WWOX: variants seen among roughly 807,000 people sequenced by gnomAD.
WWOX encodes WW domain containing oxidoreductase.
In WWOX, 69 loss-of-function variants were observed where a neutral mutation model predicts 46.2. That is an observed-to-expected ratio of 1.49 (90% CI 1.23 to 1.82). The LOEUF is 1.82. Among genes scored for constraint, WWOX ranks in the 40% most tolerant of loss-of-function variants. The probability of loss-of-function intolerance (pLI) is 0.00; values close to 1 mark genes in which losing one functional copy is unlikely to be tolerated. For missense variants in WWOX, 919 were observed against 542.6 expected (o/e 1.69, Z -6.89); for synonymous variants, 359 against 202.6 (o/e 1.77, Z -6.56).
At chr16:78,946,141 C>G (rs1452448269) in intron 8 of WWOX, among the ~76,000 whole-genome samples, 1 of 152,188 alleles carries the variant, frequency 6.6e-6, no homozygotes, top group African/African-American at 2.4e-5. Flanking sequence ...ATTCCCCCTA[C>G]AAGAATGCCG....
At chr16:78,115,334 G>C (rs554076634) in intron 4 of WWOX, among the ~76,000 whole-genome samples, 180 bp downstream of exon 4, 4 of 152,298 alleles carry the variant, frequency 2.6e-5, no homozygotes, top group African/African-American at 7.2e-5. Flanking sequence ...ATGGAAGCCT[G>C]TGTAGGGGCT....
intron 8 of WWOX, among the ~76,000 whole-genome samples, chr16:78,924,170 G>C (rs578134053): frequency 9.2e-5 from 14 of 152,130 alleles, no homozygotes; most frequent in African/African-American, 2.4e-4. Context: ...CAGAAAGAAG[G>C]CTGGGTAGAC....
intron 6 of WWOX, among the ~76,000 whole-genome samples, chr16:78,401,734 C>G (rs2082418428): frequency 6.6e-6 from 1 of 152,018 alleles, no homozygotes; most frequent in East Asian, 1.9e-4. Context: ...GAGTCTTGCT[C>G]TGTCGCCCAG....
chr16:78,738,081 C>G (rs991531831), intron 8 of WWOX, among the ~76,000 whole-genome samples: 20 of 152,148 alleles, frequency 1.3e-4, no homozygotes, highest in Non-Finnish European at 5.9e-5. Flanking sequence ...CTGCCCACTT[C>G]CAGAAAGCTA....
At chr16:78,177,351 G>C (rs1597313026) in intron 5 of WWOX, among the ~76,000 whole-genome samples, 3 of 152,296 alleles carry the variant, frequency 2.0e-5, no homozygotes, top group Admixed American at 6.5e-5. Context: ...TAGTCTAGAA[G>C]GATTTTGCTA....
intron 8 of WWOX, among the ~76,000 whole-genome samples, chr16:78,511,877 C>G (rs746107366): frequency 6.6e-6 from 1 of 152,200 alleles, no homozygotes; most frequent in Non-Finnish European, 1.5e-5. Context: ...TTAAATACAA[C>G]ATGCTGTTTA....
chr16:78,696,478 T>A (rs1454740171), intron 8 of WWOX, among the ~76,000 whole-genome samples: 1 of 152,134 alleles, frequency 6.6e-6, no homozygotes, highest in African/African-American at 2.4e-5. Flanking sequence ...TTTCGATTTT[T>A]TTTTTTCACC....
chr16:78,884,751 T>G (rs1173546357), intron 8 of WWOX, among the ~76,000 whole-genome samples: 1 of 152,244 alleles, frequency 6.6e-6, no homozygotes, highest in East Asian at 1.9e-4. Context: ...GTGTTCAGTT[T>G]ATGAAAATTC....
At chr16:78,814,758 A>G (rs2051286833) in intron 8 of WWOX, among the ~76,000 whole-genome samples, 1 of 152,192 alleles carries the variant, frequency 6.6e-6, no homozygotes, top group Non-Finnish European at 1.5e-5. Flanking sequence ...ATGGCAGTGT[A>G]TAAGACATTA....
intron 8 of WWOX, among the ~76,000 whole-genome samples, chr16:78,701,951 G>A (rs942477696): frequency 4.1e-5 from 6 of 145,774 alleles, no homozygotes; most frequent in Admixed American, 1.4e-4. Context: ...CTGGGAGGCC[G>A]AGATGGGAGG....
At chr16:78,641,204 A>AT (rs897654063) in intron 8 of WWOX, among the ~76,000 whole-genome samples, 4 of 151,592 alleles carry the variant, frequency 2.6e-5, no homozygotes, top group South Asian at 4.2e-4. Flanking sequence ...CGCTGTGTTT[A>AT]TTTTTTTTCA....
intron 6 of WWOX, among the ~76,000 whole-genome samples, chr16:78,400,654 G>T (rs1340935848): frequency 5.3e-5 from 8 of 152,162 alleles, no homozygotes; most frequent in African/African-American, 7.2e-5. Context: ...GGGGAAGGAA[G>T]CAGGTAGAAA....
chr16:79,140,478 C>T (rs758142044), intron 8 of WWOX, among the ~76,000 whole-genome samples: 2 of 152,166 alleles, frequency 1.3e-5, no homozygotes, highest in Non-Finnish European at 2.9e-5. Flanking sequence ...GAAGTCCAGT[C>T]CTTTTGGAGT....
chr16:78,622,523 C>G (rs905060118), intron 8 of WWOX, among the ~76,000 whole-genome samples: 3 of 145,028 alleles, frequency 2.1e-5, no homozygotes, highest in African/African-American at 7.7e-5. Flanking sequence ...GCCTGGGTGA[C>G]AAGAGTGAAA....
intron 8 of WWOX, among the ~76,000 whole-genome samples, chr16:79,041,691 A>T: frequency 6.6e-6 from 1 of 152,158 alleles, no homozygotes; most frequent in East Asian, 1.9e-4. Flanking sequence ...TGCAAATGGC[A>T]AGGGCATGAG....
chr16:79,163,934 C>T (rs1277864298), intron 8 of WWOX, among the ~76,000 whole-genome samples: 4 of 150,562 alleles, frequency 2.7e-5, no homozygotes, highest in Admixed American at 2.0e-4. Context: ...GTTGCTTCTG[C>T]CGTTTCTAGC....
intron 8 of WWOX, among the ~76,000 whole-genome samples, chr16:78,666,350 C>G (rs1341930144): frequency 2.6e-5 from 4 of 152,126 alleles, no homozygotes; most frequent in African/African-American, 9.7e-5. Context: ...GTAACTGTGT[C>G]ATAACCTGGC....
intron 8 of WWOX, among the ~76,000 whole-genome samples, chr16:78,653,737 AC>A (rs2047018448): frequency 6.6e-6 from 1 of 152,154 alleles, no homozygotes; most frequent in Non-Finnish European, 1.5e-5. Flanking sequence ...GGGCCTCCTA[AC>A]CCGAACCTCC....
At chr16:79,002,182 T>C (rs377472431) in intron 8 of WWOX, among the ~76,000 whole-genome samples, 1 of 151,504 alleles carries the variant, frequency 6.6e-6, no homozygotes, top group African/African-American at 2.4e-5. Flanking sequence ...TTATTTGTTA[T>C]CTGAAATTTA....
Sources: allele counts gnomAD v4.1 joint callset (sites outside exome capture counted in the v4.1 genomes callset), GRCh38; gene constraint gnomAD v4.1.1; transcripts MANE v1.5; gene names NCBI Gene and HGNC (gene_info 2026-07-23, HGNC 2026-07-21).